The following FANK1 variants were observed in gnomAD, a reference collection of about 807,000 sequenced individuals.
The protein encoded by FANK1 is fibronectin type 3 and ankyrin repeat domains protein 1.
Under a neutral mutation model 45.3 loss-of-function variants are expected in FANK1, and 44 were observed. The ratio of observed to expected loss-of-function variants is 0.97; its 90% CI spans 0.76 to 1.25. The LOEUF (loss-of-function observed/expected upper bound fraction) is 1.25, where lower values mean the gene tolerates loss of function less well. FANK1 is among the 50% of genes most tolerant of loss of function. FANK1 has a pLI of 0.00. For synonymous variants in FANK1, 149 were observed against 152.5 expected, an observed-to-expected ratio of 0.98 and a Z score of 0.17; for missense variants, 391 against 424.4, an observed-to-expected ratio of 0.92 and a Z score of 0.69.
intron 1 of FANK1, among the ~76,000 whole-genome samples, chr10:125,967,894 G>A (rs1950275132): frequency 6.6e-6 from 1 of 151,600 alleles, no homozygotes; most frequent in Non-Finnish European, 1.5e-5. Context: ...CACAAAGTAG[G>A]AGATCTTACA....
At chr10:125,926,185 CAT>C (rs1468778172) in intron 1 of FANK1, among the ~76,000 whole-genome samples, 1 of 152,118 alleles carries the variant, frequency 6.6e-6, no homozygotes, top group Non-Finnish European at 1.5e-5. Context: ...TTTATTTTGA[CAT>C]AATTGCAGAT....
At chr10:125,915,631 A>G (rs1417664009) in intron 1 of FANK1, among the ~76,000 whole-genome samples, 1 of 152,228 alleles carries the variant, frequency 6.6e-6, no homozygotes. Flanking sequence ...CCTGAGCAAC[A>G]TAGACCCTGT....
chr10:125,944,704 T>C (rs552700345), intron 1 of FANK1, among the ~76,000 whole-genome samples: 1 of 152,338 alleles, frequency 6.6e-6, no homozygotes, highest in Non-Finnish European at 1.5e-5. Flanking sequence ...GCATGAGCGA[T>C]CTGTGCCTTA....
At chr10:125,987,767 C>G (rs139898303) in intron 2 of FANK1, among the ~76,000 whole-genome samples, 182 of 152,234 alleles carry the variant, frequency 1.2e-3, no homozygotes, top group African/African-American at 4.2e-3. Flanking sequence ...AAGCCAGGCT[C>G]CTGGGACCTG....
intron 1 of FANK1, among the ~76,000 whole-genome samples, chr10:125,904,972 CAAAAA>C: frequency 6.7e-6 from 1 of 148,190 alleles, no homozygotes; most frequent in Middle Eastern, 3.5e-3. Context: ...AAAAATACAA[CAAAAA>C]AAAATTAGCC....
intron 1 of FANK1, among the ~76,000 whole-genome samples, chr10:125,913,689 A>G (rs1350661576): frequency 6.6e-6 from 1 of 152,194 alleles, no homozygotes; most frequent in African/African-American, 2.4e-5. Context: ...GAATCTGTCA[A>G]TCTGGGTTGC....
chr10:126,005,179 C>T (rs1564974274), intron 7 of FANK1, 130 bp downstream of exon 7: 1 of 1,048,830 alleles, frequency 9.5e-7, no homozygotes, highest in Non-Finnish European at 1.3e-6. Flanking sequence ...TCTGACTTAG[C>T]AAGAAAGCCC....
chr10:125,925,007 G>A (rs112268961), intron 1 of FANK1, among the ~76,000 whole-genome samples: 1 of 148,012 alleles, frequency 6.8e-6, no homozygotes, highest in Admixed American at 7.0e-5. Context: ...TTAGAAATTT[G>A]TTACTTAACA....
intron 1 of FANK1, among the ~76,000 whole-genome samples, chr10:125,959,065 T>C (rs1949754779): frequency 6.6e-6 from 1 of 152,208 alleles, no homozygotes; most frequent in African/African-American, 2.4e-5. Flanking sequence ...TTTTTAACTA[T>C]TTACAATGTT....
chr10:125,995,055 G>A (rs1203201120), intron 3 of FANK1: 30 of 641,002 alleles, frequency 4.7e-5, no homozygotes, highest in Non-Finnish European at 5.8e-5. Flanking sequence ...ACATCTCTTT[G>A]GCAAATAAAA....
chr10:125,971,323 C>T (rs1429869134), intron 1 of FANK1, among the ~76,000 whole-genome samples: 1 of 152,004 alleles, frequency 6.6e-6, no homozygotes, highest in African/African-American at 2.4e-5. Flanking sequence ...TTCTTGGTCT[C>T]CACTACTGGT....
chr10:125,929,622 A>G (rs182444338), intron 1 of FANK1, among the ~76,000 whole-genome samples: 1 of 152,194 alleles, frequency 6.6e-6, no homozygotes, highest in Admixed American at 6.5e-5. Flanking sequence ...TTTCACATGT[A>G]GCCTGTCTAT....
Position 126,008,455 on chromosome 10 carries a change from T to A in FANK1, c.754T>A (p.Ser252Thr). The A allele has an allele frequency of 6.2e-7, 1 of 1,613,602 alleles. No individual in the cohort carries two copies. Among genetic ancestry groups the A allele is most frequent in the South Asian group, 1.1e-5 (1 of 91,000 alleles). Residue 252 changes from serine to threonine, a missense_variant, in exon 8 of 11, where the codon TCT (serine) becomes ACT (threonine). Physicochemically the swap from Ser to Thr is moderately conservative, Grantham distance 58 (BLOSUM62 1). Coordinates refer to ENST00000368693, the MANE Select transcript of FANK1 (RefSeq NM_145235.5). Reference protein sequence around the residue: ...GSGWTPLMRVSAVSGNQRVAS... With the variant: ...GSGWTPLMRVTAVSGNQRVAS... Reference sequence around the variant, plus strand: ...AGGATGGACCCCACTCATGAGAGTCTCTGCGGTGTCGGGAAATCAGAGGGT... The same window carrying A: ...AGGATGGACCCCACTCATGAGAGTCACTGCGGTGTCGGGAAATCAGAGGGT...
intron 1 of FANK1, among the ~76,000 whole-genome samples, chr10:125,958,264 AT>A (rs763686241): frequency 2.0e-5 from 3 of 151,666 alleles, no homozygotes; most frequent in Non-Finnish European, 2.9e-5. Context: ...TGTGATCAAC[AT>A]TTTTTTTAGC....
chr10:125,902,118 G>T (rs1375723806), intron 1 of FANK1, among the ~76,000 whole-genome samples: 6 of 152,140 alleles, frequency 3.9e-5, no homozygotes, highest in Non-Finnish European at 8.8e-5. Flanking sequence ...ATGTGAGGTG[G>T]GGGGAGGAGG....
chr10:125,948,016 T>C (rs1948935556), intron 1 of FANK1, among the ~76,000 whole-genome samples: 1 of 149,998 alleles, frequency 6.7e-6, no homozygotes, highest in East Asian at 2.0e-4. Flanking sequence ...GAATGACTAC[T>C]GGGTACATAA....
At chr10:125,903,032 C>T (rs79614383) in intron 1 of FANK1, among the ~76,000 whole-genome samples, 106 of 121,354 alleles carry the variant, frequency 8.7e-4, no homozygotes, top group East Asian at 5.8e-3. Flanking sequence ...CATTGTGATC[C>T]TGACCTCTGA....
intron 1 of FANK1, among the ~76,000 whole-genome samples, chr10:125,936,390 T>C (rs1948097637): frequency 6.7e-6 from 1 of 149,148 alleles, no homozygotes; most frequent in Admixed American, 6.7e-5. Flanking sequence ...TATGGCTTGC[T>C]GAATTTTCAC....
At chr10:125,950,435 C>T (rs1191864825) in intron 1 of FANK1, among the ~76,000 whole-genome samples, 1 of 150,766 alleles carries the variant, frequency 6.6e-6, no homozygotes, top group Non-Finnish European at 1.5e-5. Context: ...AAACAAACAA[C>T]CCCATCAAAA....
Sources: allele counts gnomAD v4.1 joint callset (sites outside exome capture counted in the v4.1 genomes callset), GRCh38; gene constraint gnomAD v4.1.1; transcripts MANE v1.5; gene names NCBI Gene and HGNC (gene_info 2026-07-23, HGNC 2026-07-21).